The following NUP188 variants were observed in gnomAD, a reference collection of about 807,000 sequenced individuals.
NUP188 encodes the protein nucleoporin NUP188.
NUP188 carries 97 observed loss-of-function variants against 223.0 expected under a neutral mutation model. The observed-to-expected ratio is 0.43, with a 90% CI of 0.37 to 0.51. NUP188 has a LOEUF of 0.51. Ranked by LOEUF, NUP188 falls within the 20% of genes least tolerant of loss-of-function variation. The pLI is 0.00. For missense variants in NUP188, 1,947 were observed against 2,175.6 expected (o/e 0.89, Z 2.09); for synonymous variants, 869 against 828.0 (o/e 1.05, Z -0.85).
At chr9:128,992,295 C>T (rs1842447379) in intron 25 of NUP188, among the ~76,000 whole-genome samples, 3 of 152,080 alleles carry the variant, frequency 2.0e-5, no homozygotes, top group Non-Finnish European at 4.4e-5. Flanking sequence ...CAGGTTCATG[C>T]GATTCTCCTG....
chr9:129,004,262 A>G (rs1461759901), intron 38 of NUP188, among the ~76,000 whole-genome samples: 1 of 147,068 alleles, frequency 6.8e-6, no homozygotes, highest in Non-Finnish European at 1.5e-5. Flanking sequence ...CAGCCTGGTG[A>G]CAAAGTGAGA....
chr9:128,953,889 G>A (rs1000134766), intron 3 of NUP188, among the ~76,000 whole-genome samples: 1 of 151,554 alleles, frequency 6.6e-6, no homozygotes. Context: ...GGAGTGCAGT[G>A]TCACATCTCA....
At chr9:129,003,635 A>G (rs759313383) in intron 38 of NUP188, 181 bp downstream of exon 38, 2 of 754,778 alleles carry the variant, frequency 2.6e-6, no homozygotes, top group South Asian at 1.5e-5. Context: ...TTCCATAGTC[A>G]AGGGCAGCCA....
intron 33 of NUP188, 77 bp downstream of exon 33, chr9:128,999,394 C>A: frequency 1.3e-6 from 2 of 1,538,592 alleles, no homozygotes; most frequent in South Asian, 1.2e-5. Context: ...CTTCCTTCAG[C>A]TTAGGGCCAC....
chr9:129,004,316 C>A (rs1183883474), intron 38 of NUP188, among the ~76,000 whole-genome samples: 1 of 150,996 alleles, frequency 6.6e-6, no homozygotes, highest in Admixed American at 6.6e-5. Context: ...TAAACAAAAC[C>A]AAAAAAACAC....
intron 30 of NUP188, among the ~76,000 whole-genome samples, chr9:128,996,674 GT>G (rs1193590285): frequency 6.6e-6 from 1 of 152,122 alleles, no homozygotes; most frequent in Non-Finnish European, 1.5e-5. Flanking sequence ...TTTGAGAATG[GT>G]TGATTCCCCA....
Position 129,005,512 on chromosome 9 carries a change from C to T in NUP188, c.4719C>T (p.Cys1573=). 6.2e-7 allele frequency: 1 copy of T among 1,606,890 alleles called. No homozygotes were observed. The highest frequency in any genetic ancestry group is 8.5e-7 in the Non-Finnish European group (1 of 1,179,978). ...TGCGCCACTTCACCCCAGATGTCTGCCAGATTCTGCTGGATCAGGTACTGC... is the reference window on the plus strand; with the variant it reads ...TGCGCCACTTCACCCCAGATGTCTGTCAGATTCTGCTGGATCAGGTACTGC... ...AALRHFTPDV[C]QILLDQSLDL... The change falls in exon 40 of 44, where the codon TGC becomes TGT. Residue 1573 remains cysteine, a synonymous_variant. Coordinates refer to ENST00000372577, the MANE Select transcript of NUP188 (RefSeq NM_015354.3).
intron 8 of NUP188, among the ~76,000 whole-genome samples, chr9:128,962,054 GCCT>G (rs1337539168): frequency 7.9e-5 from 12 of 151,208 alleles, no homozygotes; most frequent in Admixed American, 6.6e-4. Context: ...TCCTGCCTCA[GCCT>G]CCTGAGTAGG....
chr9:129,005,573 C>T, intron 40 of NUP188, 43 bp downstream of exon 40: 2 of 1,611,100 alleles, frequency 1.2e-6, no homozygotes, highest in Non-Finnish European at 1.7e-6. Context: ...CCTAAAGGCT[C>T]TGCTCTGCTG....
chr9:128,976,458 G>C (rs1842176196), intron 12 of NUP188, among the ~76,000 whole-genome samples: 1 of 151,944 alleles, frequency 6.6e-6, no homozygotes, highest in Non-Finnish European at 1.5e-5. Flanking sequence ...ATCATCTGAG[G>C]TCAGGAGTTT....
At chr9:128,987,823 G>T in intron 23 of NUP188, 106 bp downstream of exon 23, 1 of 1,444,800 alleles carries the variant, frequency 6.9e-7, no homozygotes, top group South Asian at 1.3e-5. Flanking sequence ...AGACGACATT[G>T]TTCTTCCTAG....
intron 22 of NUP188, 119 bp downstream of exon 22, chr9:128,986,994 A>T (rs1842342279): frequency 1.3e-6 from 1 of 761,426 alleles, no homozygotes. Context: ...AGAACTCAGT[A>T]ATCTTGAGGT....
Position 128,979,289 on chromosome 9 carries a change from T to C in NUP188, c.1231T>C (p.Leu411=), listed in dbSNP as rs187418344. Residue 411 remains leucine, a synonymous_variant, in exon 13 of 44, where the codon TTG becomes CTG. Coordinates refer to ENST00000372577, the MANE Select transcript of NUP188 (RefSeq NM_015354.3). ...TATAATTGATACAGCATGTGAAGTATTGGCCGACCCTTCTCTTCCGGAACT... is the reference window on the plus strand; with the variant it reads ...TATAATTGATACAGCATGTGAAGTACTGGCCGACCCTTCTCTTCCGGAACT... ...QDIIDTACEV[L]ADPSLPELFW... 1.0e-4 allele frequency: 163 copies of C among 1,612,736 alleles called. No homozygotes were observed. Among genetic ancestry groups the C allele is most frequent in the African/African-American group, 6.8e-4 (51 of 75,030 alleles).
chr9:128,981,494 C>A, intron 15 of NUP188, 104 bp downstream of exon 15: 2 of 1,190,364 alleles, frequency 1.7e-6, no homozygotes, highest in Non-Finnish European at 2.4e-6. Context: ...CTCACTGCAG[C>A]CTCAAATTCT....
At chr9:128,952,737 AT>A (rs756530751) in intron 2 of NUP188, 35 bp from the exon 3 acceptor site, 1 of 1,558,314 alleles carries the variant, frequency 6.4e-7, no homozygotes, top group Admixed American at 1.7e-5. Context: ...AAAAAAAAAA[AT>A]ACTGCATTTG....
At position 128,980,612 on chromosome 9, in the gene NUP188, A is replaced by T; in HGVS notation, c.1276A>T (p.Thr426Ser). The T allele has an allele frequency of 1.2e-6, 2 of 1,611,902 alleles. No homozygotes were observed. Among genetic ancestry groups the T allele is most frequent in the Non-Finnish European group, 1.7e-6 (2 of 1,178,934 alleles). Residue 426 changes from threonine to serine, a missense_variant, in exon 14 of 44, where the codon ACT (threonine) becomes TCT (serine). Coordinates refer to ENST00000372577, the MANE Select transcript of NUP188 (RefSeq NM_015354.3). Reference sequence around the variant, plus strand: ...TTGTCCCCTTCCACCACAGGAGCCAACTTCTGGCCTTGGGATCATTCTGGA... The same window carrying T: ...TTGTCCCCTTCCACCACAGGAGCCATCTTCTGGCCTTGGGATCATTCTGGA... The part of the protein sequence containing the change: ...LPELFWGTEP[T>S]SGLGIILDSV...
At chr9:128,964,811 T>C (rs1240809614) in intron 8 of NUP188, among the ~76,000 whole-genome samples, 1 of 151,608 alleles carries the variant, frequency 6.6e-6, no homozygotes, top group Non-Finnish European at 1.5e-5. Flanking sequence ...GTTCAAGGGA[T>C]TCTGCTGCCT....
chr9:128,997,021 T>C (rs1442273571), intron 30 of NUP188, among the ~76,000 whole-genome samples: 1 of 152,084 alleles, frequency 6.6e-6, no homozygotes, highest in African/African-American at 2.4e-5. Flanking sequence ...AAAAATATGG[T>C]TTCAGATAGT....
At chr9:129,003,954 C>A in intron 38 of NUP188, 5 of 170,538 alleles carry the variant, frequency 2.9e-5, no homozygotes, top group South Asian at 2.9e-4. Context: ...GCCTGGGTGA[C>A]AGAGCGAGAC....
Sources: gnomAD v4.1 joint callset for allele counts (sites outside exome capture counted in the v4.1 genomes callset) on GRCh38, gnomAD v4.1.1 for gene constraint, MANE v1.5 for transcripts, NCBI Gene and HGNC (gene_info 2026-07-23, HGNC 2026-07-21) for gene names.